The following XXYLT1 variants were observed in gnomAD, a reference collection of about 807,000 sequenced individuals.
The protein encoded by XXYLT1 is xyloside xylosyltransferase 1.
Under a neutral mutation model 28.9 loss-of-function variants are expected in XXYLT1, and 20 were observed. The ratio of observed to expected loss-of-function variants is 0.69; its 90% CI spans 0.49 to 1.00. The LOEUF (loss-of-function observed/expected upper bound fraction) is 1.00, where lower values mean the gene tolerates loss of function less well. Ranked by LOEUF, XXYLT1 falls within the 50% of genes least tolerant of loss-of-function variation. XXYLT1 has a pLI of 0.00. For missense variants in XXYLT1, 542 were observed against 560.1 expected (o/e 0.97, Z 0.33); for synonymous variants, 257 against 253.8 (o/e 1.01, Z -0.12).
chr3:195,264,011 T>C (rs1411078367), intron 1 of XXYLT1, among the ~76,000 whole-genome samples: 1 of 152,190 alleles, frequency 6.6e-6, no homozygotes, highest in African/African-American at 2.4e-5. Flanking sequence ...TGTTGCTCCC[T>C]GCCCCATCCT....
At chr3:195,096,964 CA>C (rs1176269010) in intron 3 of XXYLT1, among the ~76,000 whole-genome samples, 1 of 152,212 alleles carries the variant, frequency 6.6e-6, no homozygotes, top group East Asian at 1.9e-4. Flanking sequence ...AGAAAAACAA[CA>C]GGGGTGAAAA....
intron 2 of XXYLT1, among the ~76,000 whole-genome samples, chr3:195,188,741 C>A (rs1722304076): frequency 6.6e-6 from 1 of 152,242 alleles, no homozygotes; most frequent in African/African-American, 2.4e-5. Context: ...ATCTCAGAAT[C>A]AGAGACTCTC....
At chr3:195,246,658 C>T (rs1725034996) in intron 1 of XXYLT1, among the ~76,000 whole-genome samples, 1 of 152,228 alleles carries the variant, frequency 6.6e-6, no homozygotes, top group South Asian at 2.1e-4. Context: ...GAATAAACCA[C>T]AAGGCAGCTC....
intron 3 of XXYLT1, among the ~76,000 whole-genome samples, chr3:195,102,538 T>C (rs986032228): frequency 2.0e-5 from 3 of 152,212 alleles, no homozygotes; most frequent in African/African-American, 7.2e-5. Flanking sequence ...AGTGAGATCA[T>C]GCGACATATT....
chr3:195,070,777 G>T (rs116383527), intron 3 of XXYLT1, among the ~76,000 whole-genome samples: 3,045 of 152,304 alleles, frequency 0.02, 53 homozygotes, highest in East Asian at 0.049. Context: ...GGCTGGGCAG[G>T]GGCTGGGGGC....
At chr3:195,219,199 A>G (rs985713912) in intron 2 of XXYLT1, among the ~76,000 whole-genome samples, 8 of 151,256 alleles carry the variant, frequency 5.3e-5, no homozygotes, top group African/African-American at 1.2e-4. Flanking sequence ...TAGCATTGGG[A>G]GATATACCTA....
chr3:195,208,394 G>GCCCACAC (rs1431536969), intron 2 of XXYLT1, among the ~76,000 whole-genome samples: 40 of 152,168 alleles, frequency 2.6e-4, no homozygotes, highest in African/African-American at 8.2e-4. Context: ...CCTGCCCACT[G>GCCCACAC]CCCACACGCC....
rs570633693 is a variant in XXYLT1 at position 195,105,485 on chromosome 3, C to T, written c.786-35374G>A. 1.6e-4 allele frequency among the ~76,000 whole-genome samples: 24 copies of T among 152,336 alleles called. No homozygotes were observed. The East Asian group carries it at 3.9e-3, about 24-fold the overall frequency. The stretch of plus-strand genomic sequence containing the variant: ...CTGACTTACGCCCAAAGGCAAAGGG[C>T]CACGTGAAGTCCACAGCAGGACTCA... On this transcript the variant is annotated intron_variant, in intron 3 of 3. Coordinates refer to ENST00000310380, the MANE Select transcript of XXYLT1 (RefSeq NM_152531.5).
chr3:195,081,642 T>C (rs1251333201), intron 3 of XXYLT1, among the ~76,000 whole-genome samples: 1 of 152,232 alleles, frequency 6.6e-6, no homozygotes, highest in East Asian at 1.9e-4. Context: ...TCAAACTCTC[T>C]GTGCTGCAGG....
intron 1 of XXYLT1, among the ~76,000 whole-genome samples, chr3:195,230,857 A>C (rs183194240): frequency 1.3e-5 from 2 of 152,322 alleles, no homozygotes. Context: ...AGCTTTGGCT[A>C]TTCTGGGTCT....
At chr3:195,122,101 A>C in intron 3 of XXYLT1, 1 of 703,040 alleles carries the variant, frequency 1.4e-6, no homozygotes, top group Non-Finnish European at 2.6e-6. Flanking sequence ...TGCCCAGTTC[A>C]CAGATGGCTG....
intron 3 of XXYLT1, among the ~76,000 whole-genome samples, chr3:195,103,066 C>G (rs1716878305): frequency 6.6e-6 from 1 of 152,152 alleles, no homozygotes; most frequent in African/African-American, 2.4e-5. Flanking sequence ...TTTTATATGT[C>G]TAAGGAATCA....
chr3:195,101,998 CAG>C (rs1411537360), intron 3 of XXYLT1, among the ~76,000 whole-genome samples: 2 of 87,634 alleles, frequency 2.3e-5, no homozygotes, highest in African/African-American at 1.1e-4. Context: ...GGAGGGAGGA[CAG>C]AAAGAAAGTA....
chr3:195,104,486 G>C (rs1716981417), intron 3 of XXYLT1, among the ~76,000 whole-genome samples: 1 of 152,164 alleles, frequency 6.6e-6, no homozygotes, highest in Non-Finnish European at 1.5e-5. Context: ...CTGCCTGCTG[G>C]GAAAGGGTAT....
At chr3:195,214,881 G>A (rs1049860196) in intron 2 of XXYLT1, 9 of 152,182 alleles carry the variant, frequency 5.9e-5, no homozygotes, top group Non-Finnish European at 7.4e-5. Flanking sequence ...TTCGTGAAGC[G>A]TTCCATATTT....
At position 195,077,759 on chromosome 3, in the gene XXYLT1, G is replaced by A. The variant is rs1199886098; in HGVS notation, c.786-7648C>T. Among the ~76,000 whole-genome samples, 2 of 152,184 alleles carry A rather than the reference G, an allele frequency of 1.3e-5. No homozygotes were observed. Among genetic ancestry groups the A allele is most frequent in the African/African-American group, 4.8e-5 (2 of 41,446 alleles). On this transcript the variant is annotated intron_variant, in intron 3 of 3. Coordinates refer to ENST00000310380, the MANE Select transcript of XXYLT1 (RefSeq NM_152531.5). This position sits in a 1 kb window ranked among gnomAD's most constrained non-coding sequence, Gnocchi z 4.8. ...TCCAGAGCCCTGCAGAAGGGCAGCTGGCAGGCCTGAGGCCTCCACATGGCA... is the reference window on the plus strand; with the variant it reads ...TCCAGAGCCCTGCAGAAGGGCAGCTAGCAGGCCTGAGGCCTCCACATGGCA...
chr3:195,175,374 G>T (rs1010063774), intron 2 of XXYLT1, among the ~76,000 whole-genome samples: 1 of 152,244 alleles, frequency 6.6e-6, no homozygotes, highest in Admixed American at 6.5e-5. Flanking sequence ...GTGTGAGATG[G>T]AACTGGGGGA....
chr3:195,265,196 G>A (rs562501745), intron 1 of XXYLT1, among the ~76,000 whole-genome samples: 58 of 151,946 alleles, frequency 3.8e-4, no homozygotes, highest in African/African-American at 1.1e-3. Flanking sequence ...ATAGTGAAAC[G>A]CCATCTCTGC....
In XXYLT1 at chr3:195,180,742, G is replaced by A. The variant is rs190906152; in HGVS notation, c.653-24161C>T. On this transcript the variant is annotated intron_variant, in intron 2 of 3. Coordinates refer to ENST00000310380, the MANE Select transcript of XXYLT1 (RefSeq NM_152531.5). The surrounding 1 kb of genome is among the most constrained non-coding windows in gnomAD (Gnocchi z 5.8). ...GCGCCTGCCCACTGCCCCCACCCCT[G>A]CAAGCACACACCTGCTCGCCAGGAG... Among the ~76,000 whole-genome samples, 4 of 152,278 alleles carry A rather than the reference G, an allele frequency of 2.6e-5. No individual in the cohort carries two copies. Among genetic ancestry groups the A allele is most frequent in the Admixed American group, 2.6e-4 (4 of 15,300 alleles).
Sources: gnomAD v4.1 joint callset for allele counts (sites outside exome capture counted in the v4.1 genomes callset) on GRCh38, gnomAD v4.1.1 for gene constraint, Gnocchi (gnomAD v3.1) non-coding constraint, MANE v1.5 for transcripts, NCBI Gene and HGNC (gene_info 2026-07-23, HGNC 2026-07-21) for gene names.